The following ROBO1 variants were observed in gnomAD, a reference collection of about 807,000 sequenced individuals.
ROBO1 encodes the protein roundabout homolog 1.
In ROBO1, 149 loss-of-function variants were observed where a neutral mutation model predicts 195.9. The observed-to-expected ratio is 0.76, with a 90% CI of 0.67 to 0.87. The LOEUF (loss-of-function observed/expected upper bound fraction) is 0.87, where lower values mean the gene tolerates loss of function less well. Ranked by LOEUF, ROBO1 falls within the 40% of genes least tolerant of loss-of-function variation. The pLI is 0.00. For synonymous variants in ROBO1, 816 were observed against 733.2 expected, an observed-to-expected ratio of 1.11 and a Z score of -1.82; for missense variants, 1,933 against 2,068.3, an observed-to-expected ratio of 0.93 and a Z score of 1.27.
chr3:79,106,116 C>A (rs1440343226), intron 3 of ROBO1, among the ~76,000 whole-genome samples: 1 of 151,680 alleles, frequency 6.6e-6, no homozygotes, highest in African/African-American at 2.4e-5. Flanking sequence ...CTAGCTGAAA[C>A]AATATAGTCT....
chr3:79,250,460 A>C (rs74796713), intron 2 of ROBO1, among the ~76,000 whole-genome samples: 9,620 of 152,248 alleles, frequency 0.063, 374 homozygotes, highest in Middle Eastern at 0.1. Flanking sequence ...TATTCTTTAC[A>C]TCTGAATTTA....
rs1007918042 is a variant in ROBO1, at chr3:79,260,376, A to T, written c.89-134837T>A. ...TATTTTTAATGTATTCTAAATAGAT[A>T]TATATCTACGTTGTATATCTGCATG... On this transcript the variant is annotated intron_variant, in intron 2 of 30. Transcript: ENST00000464233. Among the ~76,000 whole-genome samples, 19 of 152,190 alleles carry T rather than the reference A, an allele frequency of 1.2e-4. No individual in the cohort carries two copies. The South Asian group carries it at 2.3e-3, about 18-fold the overall frequency.
At chr3:79,176,013 G>A (rs966467660) in intron 2 of ROBO1, among the ~76,000 whole-genome samples, 4 of 152,078 alleles carry the variant, frequency 2.6e-5, no homozygotes, top group Admixed American at 1.3e-4. Flanking sequence ...TGAAGGTTAC[G>A]CTGATCAACT....
intron 2 of ROBO1, among the ~76,000 whole-genome samples, chr3:79,139,137 C>T (rs890073163): frequency 2.7e-5 from 4 of 150,842 alleles, no homozygotes; most frequent in African/African-American, 9.7e-5. Flanking sequence ...ACATCAATAA[C>T]ATATATATAT....
At chr3:78,659,588 C>T (rs1055576125) in intron 17 of ROBO1, 98 bp downstream of exon 17, 22 of 908,564 alleles carry the variant, frequency 2.4e-5, no homozygotes, top group African/African-American at 3.4e-5. Context: ...CAGCAGATGG[C>T]GCCAAATATC....
intron 2 of ROBO1, among the ~76,000 whole-genome samples, chr3:79,522,389 T>G (rs1941247295): frequency 6.6e-6 from 1 of 151,882 alleles, no homozygotes; most frequent in Non-Finnish European, 1.5e-5. Context: ...GGCAAGCTTC[T>G]ATTTTTCTTT....
chr3:78,789,377 T>A (rs941615633), intron 4 of ROBO1, among the ~76,000 whole-genome samples: 1 of 152,292 alleles, frequency 6.6e-6, no homozygotes, highest in South Asian at 2.1e-4. Flanking sequence ...GTATGAACAA[T>A]TTTTTAACGA....
At chr3:79,074,026 C>A (rs901970436) in intron 3 of ROBO1, among the ~76,000 whole-genome samples, 1 of 151,482 alleles carries the variant, frequency 6.6e-6, no homozygotes, top group Non-Finnish European at 1.5e-5. Flanking sequence ...TTCATAGATA[C>A]CCTTATTTAA....
intron 3 of ROBO1, among the ~76,000 whole-genome samples, chr3:79,077,124 G>T (rs577125739): frequency 5.9e-4 from 89 of 151,936 alleles, no homozygotes; most frequent in African/African-American, 2.1e-3. Flanking sequence ...CATGCTGTAC[G>T]TGAGATATCC....
chr3:79,401,169 A>T (rs929804284), intron 2 of ROBO1, among the ~76,000 whole-genome samples: 7 of 151,810 alleles, frequency 4.6e-5, no homozygotes, highest in African/African-American at 1.7e-4. Flanking sequence ...AATTATTCCT[A>T]AGAATTACTG....
chr3:79,544,817 A>G (rs1489140027), intron 2 of ROBO1, among the ~76,000 whole-genome samples: 1 of 152,116 alleles, frequency 6.6e-6, no homozygotes, highest in African/African-American at 2.4e-5. Context: ...ACATTAAGGT[A>G]GGAATCATGG....
intron 2 of ROBO1, among the ~76,000 whole-genome samples, chr3:79,226,137 C>T (rs2082223337): frequency 6.6e-6 from 1 of 152,104 alleles, no homozygotes; most frequent in African/African-American, 2.4e-5. Context: ...TGCACTTTTT[C>T]GTAGTGGGCA....
rs138589789 is a variant in ROBO1 at position 79,156,075 on chromosome 3, C to G, written c.89-30536G>C. Reference sequence around the variant, plus strand: ...CCAGAGGGTCGTTCACTCCTAAACACCCTTAGTCCTAGCCATGCTATTCAT... The same window carrying G: ...CCAGAGGGTCGTTCACTCCTAAACAGCCTTAGTCCTAGCCATGCTATTCAT... On this transcript the variant is annotated intron_variant, in intron 2 of 30. Coordinates refer to ENST00000464233, the MANE Select transcript of ROBO1 (RefSeq NM_002941.4). Among the ~76,000 whole-genome samples the G allele has an allele frequency of 1.2e-3, 182 of 151,768 alleles. 1 individual carries two copies. The highest frequency in any genetic ancestry group is 4.2e-3 in the African/African-American group (174 of 41,472).
rs997187189 is a variant in ROBO1, at chr3:78,598,046, C to A, written c.*867G>T. 3.3e-5 allele frequency: 5 copies of A among 151,742 alleles called. No homozygotes were observed. Among genetic ancestry groups the A allele is most frequent in the African/African-American group, 9.7e-5 (4 of 41,130 alleles). The allele number at this position is 151,742 out of a possible 1,614,324, so 9.4% of individuals were successfully genotyped here. Reference sequence around the variant, plus strand: ...GTGGCACTTCTGAAAGTTGAACTGACACTACCAGAAGAAATTTAGGCCAGT... The same window carrying A: ...GTGGCACTTCTGAAAGTTGAACTGAAACTACCAGAAGAAATTTAGGCCAGT... On this transcript the variant is annotated 3_prime_UTR_variant, in exon 31 of 31. Coordinates refer to ENST00000464233, the MANE Select transcript of ROBO1 (RefSeq NM_002941.4).
rs141510815 is a variant in ROBO1, at chr3:79,115,370, G to GA, written c.172+10085dup. Among the ~76,000 whole-genome samples, 611 of 152,202 alleles carry GA rather than the reference G, an allele frequency of 4.0e-3. 7 individuals carry two copies. The highest frequency in any genetic ancestry group is 0.014 in the African/African-American group (574 of 41,536). The stretch of plus-strand genomic sequence containing the variant: ...GTAAGAGATACGAGATGGATCCTTT[G>GA]AATGATTTCAAAATATAAAGATATC... On this transcript the variant is annotated intron_variant, in intron 3 of 30. Coordinates refer to ENST00000464233, the MANE Select transcript of ROBO1 (RefSeq NM_002941.4).
chr3:79,312,610 G>A (rs1474373899), intron 2 of ROBO1, among the ~76,000 whole-genome samples: 1 of 152,062 alleles, frequency 6.6e-6, no homozygotes, highest in East Asian at 1.9e-4. Context: ...GTGGAATTTG[G>A]ACCTATCCAT....
intron 2 of ROBO1, among the ~76,000 whole-genome samples, chr3:79,489,280 T>C (rs1939324348): frequency 2.0e-5 from 3 of 151,890 alleles, no homozygotes; most frequent in South Asian, 2.1e-4. Context: ...TTTGAAAAAA[T>C]GGAATGGCAT....
chr3:79,463,187 C>G (rs1430779642), intron 2 of ROBO1, among the ~76,000 whole-genome samples: 3 of 152,014 alleles, frequency 2.0e-5, no homozygotes, highest in South Asian at 2.1e-4. Context: ...TCCTGGCTAA[C>G]ACGGTGAAAC....
chr3:79,127,850 C>G (rs2080245171), intron 2 of ROBO1, among the ~76,000 whole-genome samples: 1 of 152,196 alleles, frequency 6.6e-6, no homozygotes, highest in African/African-American at 2.4e-5. Flanking sequence ...CCTTCTTAGG[C>G]TCAGGAAAGA....
Sources: allele counts gnomAD v4.1 joint callset (sites outside exome capture counted in the v4.1 genomes callset), GRCh38; gene constraint gnomAD v4.1.1; transcripts MANE v1.5; gene names NCBI Gene and HGNC (gene_info 2026-07-23, HGNC 2026-07-21).